Variants in SCHIP1 observed in about 807,000 individuals in gnomAD.
SCHIP1 encodes the protein schwannomin-interacting protein 1.
SCHIP1 carries 8 observed loss-of-function variants against 29.7 expected under a neutral mutation model. The ratio of observed to expected loss-of-function variants is 0.27; its 90% CI spans 0.16 to 0.49. The LOEUF is 0.49. SCHIP1 is among the 20% of genes least tolerant of loss of function. The pLI, the probability that SCHIP1 is intolerant of heterozygous loss-of-function variation, is 0.99. For missense variants in SCHIP1, 193 were observed against 294.6 expected (o/e 0.66, Z 2.52); for synonymous variants, 76 against 94.9 (o/e 0.80, Z 1.16).
the SCHIP1 span, among the ~76,000 whole-genome samples, chr3:159,311,751 G>A: frequency 6.6e-6 from 1 of 152,038 alleles, no homozygotes; most frequent in Non-Finnish European, 1.5e-5. Context: ...AAATAATAGG[G>A]AAAATGCAAC....
At chr3:159,289,255 A>T in the SCHIP1 span, among the ~76,000 whole-genome samples, 1 of 152,172 alleles carries the variant, frequency 6.6e-6, no homozygotes, top group African/African-American at 2.4e-5. Flanking sequence ...CATTAATATT[A>T]CCTACTTATT....
At chr3:159,809,843 A>G in the SCHIP1 span, among the ~76,000 whole-genome samples, 1 of 152,104 alleles carries the variant, frequency 6.6e-6, no homozygotes, top group Non-Finnish European at 1.5e-5. Flanking sequence ...TCTACAAAAA[A>G]TACAAAAATT....
rs1039347131 is a variant in SCHIP1, at chr3:159,887,542, C to T, written c.268-166C>T. The T allele has an allele frequency of 4.2e-6, 3 of 712,730 alleles. No homozygotes were observed. In the African/African-American group the frequency reaches 5.3e-5, roughly 13 times the overall value. 44.2% of individuals were successfully genotyped at this position (712,730 alleles called of 1,614,324 possible). A position where few individuals can be genotyped will look rare whatever the true frequency, so the allele number is the denominator to read the frequency against. ...ATGCTAAAATCTATTTTAAACTAGA[C>T]CCTTTTTCTGTTACTTGAGATTTAT... On this transcript the variant is annotated intron_variant, in intron 3 of 6. Transcript: ENST00000445224.
the SCHIP1 span, among the ~76,000 whole-genome samples, chr3:159,623,307 G>C: frequency 6.6e-6 from 1 of 152,290 alleles, no homozygotes; most frequent in South Asian, 2.1e-4. Context: ...AACTTGAGAA[G>C]TATATACCTC....
At chr3:159,437,634 T>TA in the SCHIP1 span, among the ~76,000 whole-genome samples, 203 of 148,736 alleles carry the variant, frequency 1.4e-3, no homozygotes, top group South Asian at 8.1e-3. Context: ...ATTCGTCTTT[T>TA]AAAAAAAAAA....
chr3:159,684,929 G>C, the SCHIP1 span, among the ~76,000 whole-genome samples: 1 of 151,658 alleles, frequency 6.6e-6, no homozygotes, highest in Non-Finnish European at 1.5e-5. Context: ...AATGCAGCTG[G>C]ATCCTGCTTA....
At chr3:159,601,815 T>C in the SCHIP1 span, among the ~76,000 whole-genome samples, 1 of 152,248 alleles carries the variant, frequency 6.6e-6, no homozygotes, top group East Asian at 1.9e-4. Flanking sequence ...TGCAGCACCT[T>C]TGGCTCTAGC....
chr3:159,349,286 A>G, the SCHIP1 span, among the ~76,000 whole-genome samples: 1 of 152,196 alleles, frequency 6.6e-6, no homozygotes, highest in Admixed American at 6.5e-5. Context: ...TTTCACATGT[A>G]TGTGAGGATA....
the SCHIP1 span, among the ~76,000 whole-genome samples, chr3:159,374,077 G>C: frequency 1.3e-5 from 2 of 151,976 alleles, no homozygotes; most frequent in African/African-American, 2.4e-5. Context: ...AAATATCACG[G>C]ATCCATGAAT....
chr3:159,608,365 T>A, the SCHIP1 span, among the ~76,000 whole-genome samples: 1 of 152,182 alleles, frequency 6.6e-6, no homozygotes. Flanking sequence ...ATGAAAATTG[T>A]CATGAGTAAA....
chr3:159,397,606 G>C, the SCHIP1 span, among the ~76,000 whole-genome samples: 1 of 152,170 alleles, frequency 6.6e-6, no homozygotes, highest in African/African-American at 2.4e-5. Context: ...TTCCCCTGCT[G>C]GGGGGTGCCT....
chr3:159,770,134 C>T, the SCHIP1 span, among the ~76,000 whole-genome samples: 28 of 152,250 alleles, frequency 1.8e-4, no homozygotes, highest in African/African-American at 6.5e-4. Context: ...ATCAGTGGTT[C>T]GTTTGAACTC....
chr3:159,386,530 A>G, the SCHIP1 span, among the ~76,000 whole-genome samples: 1 of 152,178 alleles, frequency 6.6e-6, no homozygotes, highest in African/African-American at 2.4e-5. Context: ...TCTTCACAGT[A>G]TTGAAAAAAA....
the SCHIP1 span, among the ~76,000 whole-genome samples, chr3:159,594,148 T>C: frequency 2.0e-4 from 31 of 152,334 alleles, no homozygotes; most frequent in Middle Eastern, 0.017. Context: ...TTTGTCAAAG[T>C]ATGGCTAGAT....
At chr3:159,619,691 A>G in the SCHIP1 span, among the ~76,000 whole-genome samples, 28,121 of 152,204 alleles carry the variant, frequency 0.18, 7,490 homozygotes, top group African/African-American at 0.59. Flanking sequence ...GAAACTGTAC[A>G]CTTTTTGTTT....
chr3:159,637,780 A>G, the SCHIP1 span, among the ~76,000 whole-genome samples: 1 of 152,210 alleles, frequency 6.6e-6, no homozygotes, highest in Non-Finnish European at 1.5e-5. Context: ...AAAAATTCCC[A>G]AGGATTAGCT....
the SCHIP1 span, among the ~76,000 whole-genome samples, chr3:159,699,551 T>G: frequency 1.3e-5 from 2 of 152,142 alleles, no homozygotes; most frequent in Admixed American, 6.5e-5. Context: ...AAGATTATGC[T>G]GGAGGGCTGT....
the SCHIP1 span, among the ~76,000 whole-genome samples, chr3:159,386,527 A>G: frequency 6.6e-6 from 1 of 152,176 alleles, no homozygotes; most frequent in Non-Finnish European, 1.5e-5. Flanking sequence ...CTTTCTTCAC[A>G]GTATTGAAAA....
the SCHIP1 span, among the ~76,000 whole-genome samples, chr3:159,828,397 G>GTATATATACGTA: frequency 1.8e-4 from 16 of 87,528 alleles, no homozygotes; most frequent in Admixed American, 1.1e-4. Context: ...ACATATATAC[G>GTATATATACGTA]TATATATATA....
Sources: gnomAD v4.1 joint callset for allele counts (sites outside exome capture counted in the v4.1 genomes callset) on GRCh38, gnomAD v4.1.1 for gene constraint, MANE v1.5 for transcripts, NCBI Gene and HGNC (gene_info 2026-07-23, HGNC 2026-07-21) for gene names.